Variants in ANKRD27 observed in about 807,000 individuals in gnomAD.
ANKRD27 encodes ankyrin repeat domain-containing protein 27.
A neutral mutation model predicts 129.7 loss-of-function variants in ANKRD27; 112 were observed. The observed-to-expected ratio is 0.86, with a 90% CI of 0.74 to 1.01. The LOEUF is 1.01. Ranked by LOEUF, ANKRD27 falls within the 50% of genes least tolerant of loss-of-function variation. The probability of loss-of-function intolerance (pLI) is 0.00; values close to 1 mark genes in which losing one functional copy is unlikely to be tolerated. For synonymous variants in ANKRD27, 516 were observed against 511.2 expected (o/e 1.01, Z -0.13); for missense variants, 1,258 against 1,300.5 (o/e 0.97, Z 0.50).
At chr19:32,663,242 G>A (rs1293112203) in intron 1 of ANKRD27, among the ~76,000 whole-genome samples, 2 of 152,158 alleles carry the variant, frequency 1.3e-5, no homozygotes, top group African/African-American at 4.8e-5. Flanking sequence ...AGCAAGCACA[G>A]CCAACCCACC....
At chr19:32,658,798 T>G (rs1292814916) in intron 2 of ANKRD27, 116 bp downstream of exon 2, 1 of 904,776 alleles carries the variant, frequency 1.1e-6, no homozygotes, top group Non-Finnish European at 1.8e-6. Flanking sequence ...CCAAGCACAC[T>G]GCTGGGAGCT....
intron 12 of ANKRD27, chr19:32,636,171 G>C (rs1967084499): frequency 6.3e-6 from 1 of 157,894 alleles, no homozygotes; most frequent in Non-Finnish European, 1.4e-5. Flanking sequence ...CGGTGGCCTA[G>C]CACATGGAAT....
chr19:32,636,778 T>G (rs1438986789), intron 12 of ANKRD27, among the ~76,000 whole-genome samples: 1 of 151,136 alleles, frequency 6.6e-6, no homozygotes, highest in Non-Finnish European at 1.5e-5. Flanking sequence ...GACAGAGTCT[T>G]GCTGTGTTGC....
intron 2 of ANKRD27, among the ~76,000 whole-genome samples, chr19:32,653,188 G>T (rs879777178): frequency 1.3e-5 from 2 of 152,150 alleles, no homozygotes; most frequent in African/African-American, 4.8e-5. Context: ...GCCACGGCTT[G>T]TTGGAAGCAT....
At chr19:32,628,236 A>G in intron 14 of ANKRD27, 71 bp from the exon 15 acceptor site, 1 of 1,326,684 alleles carries the variant, frequency 7.5e-7, no homozygotes, top group Non-Finnish European at 1.1e-6. Flanking sequence ...GACCAGGTAG[A>G]TAGGCAGGTA....
At chr19:32,634,894 G>A (rs1053058679) in intron 12 of ANKRD27, among the ~76,000 whole-genome samples, 1 of 152,108 alleles carries the variant, frequency 6.6e-6, no homozygotes, top group African/African-American at 2.4e-5. Flanking sequence ...CCGTCTGGGT[G>A]ACAGAGCGAG....
At chr19:32,627,827 G>A (rs1329557509) in intron 15 of ANKRD27, among the ~76,000 whole-genome samples, 3 of 152,246 alleles carry the variant, frequency 2.0e-5, no homozygotes, top group Non-Finnish European at 2.9e-5. Flanking sequence ...CCCAGCCTGC[G>A]GGAGCGTTAG....
intron 2 of ANKRD27, among the ~76,000 whole-genome samples, chr19:32,650,626 G>A (rs1037362681): frequency 6.9e-6 from 1 of 145,536 alleles, no homozygotes; most frequent in Non-Finnish European, 1.5e-5. Context: ...AGTGAGTTGA[G>A]ATCACATGAT....
At chr19:32,649,597 A>G (rs1000522650) in intron 3 of ANKRD27, 85 bp downstream of exon 3, 1 of 933,242 alleles carries the variant, frequency 1.1e-6, no homozygotes, top group Non-Finnish European at 1.7e-6. Context: ...GTAGCTGTGA[A>G]AGGCTGAGAA....
At chr19:32,608,446 G>A (rs1428788466) in intron 22 of ANKRD27, 2 of 329,828 alleles carry the variant, frequency 6.1e-6, no homozygotes, top group Non-Finnish European at 1.2e-5. Flanking sequence ...ATAAGAAACA[G>A]TGATTCTTGG....
intron 3 of ANKRD27, among the ~76,000 whole-genome samples, 172 bp from the exon 4 acceptor site, chr19:32,646,787 C>T (rs564938834): frequency 6.6e-6 from 1 of 152,274 alleles, no homozygotes; most frequent in East Asian, 1.9e-4. Context: ...AATGTTTCCT[C>T]TTTGTTGGCC....
rs1450605256 is a variant in ANKRD27 at position 32,607,840 on chromosome 19, G to A, written c.2176-8C>T. 1 of 1,599,220 alleles carries A rather than the reference G, an allele frequency of 6.3e-7. No homozygotes were observed. Among genetic ancestry groups the A allele is most frequent in the South Asian group, 1.1e-5 (1 of 88,936 alleles). On this transcript the variant is annotated splice_polypyrimidine_tract_variant and splice_region_variant and intron_variant, in intron 22 of 28. Coordinates refer to ENST00000306065, the MANE Select transcript of ANKRD27 (RefSeq NM_032139.3). ...AGGAACCTTCGCCAGCCTCTGGGAA[G>A]CGCAGAAGATGGAAACACAAACGTC...
At chr19:32,674,359 A>G (rs1323560798) in intron 1 of ANKRD27, among the ~76,000 whole-genome samples, 1 of 152,058 alleles carries the variant, frequency 6.6e-6, no homozygotes, top group Non-Finnish European at 1.5e-5. Context: ...CTAAATCCTC[A>G]GCGAAGACCC....
chr19:32,635,448 A>G (rs1186185030), intron 12 of ANKRD27, among the ~76,000 whole-genome samples: 1 of 152,168 alleles, frequency 6.6e-6, no homozygotes, highest in Non-Finnish European at 1.5e-5. Context: ...ACACAAGAGC[A>G]CACACACACG....
intron 24 of ANKRD27, among the ~76,000 whole-genome samples, 189 bp from the exon 25 acceptor site, chr19:32,604,613 T>C (rs1971703783): frequency 6.6e-6 from 1 of 152,166 alleles, no homozygotes; most frequent in Non-Finnish European, 1.5e-5. Context: ...CTGCAGCATT[T>C]ATCCTAATAG....
intron 16 of ANKRD27, among the ~76,000 whole-genome samples, chr19:32,626,407 C>T (rs1972091388): frequency 6.6e-6 from 1 of 152,158 alleles, no homozygotes; most frequent in African/African-American, 2.4e-5. Flanking sequence ...CTCCTGGGCT[C>T]AAGCGATCCT....
intron 2 of ANKRD27, among the ~76,000 whole-genome samples, chr19:32,652,012 C>T (rs1459700654): frequency 6.6e-6 from 1 of 152,210 alleles, no homozygotes; most frequent in Non-Finnish European, 1.5e-5. Context: ...TCCCTGGCTC[C>T]ACCCACCATC....
In ANKRD27 at chr19:32,644,463, G is replaced by A; in HGVS notation, c.387C>T (p.Pro129=). ...TGGTTTTCAGGGAAAAGGGATCTGA[G>A]GGTGCCAAAGGCTCTTCTGAAAAAG... ...KRESSEEPLA[P]SDPFSLKTIE... Residue 129 remains proline (P), a synonymous_variant, in exon 5 of 29, where the codon CCC becomes CCT. Transcript: ENST00000306065. 6.2e-7 allele frequency: 1 copy of A among 1,613,792 alleles called. No individual in the cohort carries two copies. Among genetic ancestry groups the A allele is most frequent in the Non-Finnish European group, 8.5e-7 (1 of 1,179,816 alleles).
intron 4 of ANKRD27, among the ~76,000 whole-genome samples, chr19:32,645,707 A>T (rs1312158526): frequency 6.6e-6 from 1 of 152,002 alleles, no homozygotes; most frequent in Non-Finnish European, 1.5e-5. Context: ...ATCTCGGCTC[A>T]CCACAGTCTC....
Sources: allele counts gnomAD v4.1 joint callset (sites outside exome capture counted in the v4.1 genomes callset), GRCh38; gene constraint gnomAD v4.1.1; transcripts MANE v1.5; gene names NCBI Gene and HGNC (gene_info 2026-07-23, HGNC 2026-07-21).